Variants in LDAH observed in about 807,000 individuals in gnomAD.
LDAH encodes the protein lipid droplet-associated hydrolase.
A neutral mutation model predicts 29.6 loss-of-function variants in LDAH; 26 were observed. That is an observed-to-expected ratio of 0.88 (90% CI 0.64 to 1.22). The LOEUF is 1.22. Ranked by LOEUF, LDAH falls within the 50% of genes most tolerant of loss-of-function variation. The probability of loss-of-function intolerance (pLI) is 0.00; values close to 1 mark genes in which losing one functional copy is unlikely to be tolerated. For synonymous variants in LDAH, 117 were observed against 133.0 expected (o/e 0.88, Z 0.83); for missense variants, 344 against 387.3 (o/e 0.89, Z 0.94).
At chr2:20,726,966 A>G (rs1572487971) in intron 5 of LDAH, among the ~76,000 whole-genome samples, 2 of 152,232 alleles carry the variant, frequency 1.3e-5, no homozygotes, top group East Asian at 3.8e-4. Flanking sequence ...TCCTAGTACC[A>G]CACTAATCAC....
chr2:20,693,980 T>C (rs1663231749), intron 6 of LDAH, among the ~76,000 whole-genome samples: 1 of 152,228 alleles, frequency 6.6e-6, no homozygotes, highest in Non-Finnish European at 1.5e-5. Context: ...AAGAAAAATA[T>C]GTCATTCCTG....
intron 5 of LDAH, among the ~76,000 whole-genome samples, chr2:20,703,018 G>A (rs1051848439): frequency 6.6e-6 from 1 of 152,162 alleles, no homozygotes; most frequent in African/African-American, 2.4e-5. Flanking sequence ...TAGAGACAGG[G>A]TTTCACCATG....
chr2:20,693,950 G>C (rs1475305399), intron 6 of LDAH, among the ~76,000 whole-genome samples: 1 of 152,206 alleles, frequency 6.6e-6, no homozygotes, highest in East Asian at 1.9e-4. Context: ...CTATCTTCTT[G>C]GCCTTTCTTC....
In LDAH at chr2:20,731,683, T is replaced by G. The variant is rs372967313; in HGVS notation, c.703+8288A>C. On this transcript the variant is annotated intron_variant, in intron 5 of 6. Transcript: ENST00000237822. Reference sequence around the variant, plus strand: ...AATTTATGCCTAACAATTTAATTTTTCCGACTGGCTAAAAATGTACATTAT... The same window carrying G: ...AATTTATGCCTAACAATTTAATTTTGCCGACTGGCTAAAAATGTACATTAT... Among the ~76,000 whole-genome samples, 29 of 152,286 alleles carry G rather than the reference T, an allele frequency of 1.9e-4. 1 individual carries two copies. The South Asian group carries it at 6.0e-3, about 32-fold the overall frequency.
At chr2:20,718,107 G>T (rs1203918466) in intron 5 of LDAH, among the ~76,000 whole-genome samples, 5 of 152,082 alleles carry the variant, frequency 3.3e-5, no homozygotes, top group Non-Finnish European at 7.4e-5. Context: ...AAGAAAGGAA[G>T]ACAGGGTTAC....
chr2:20,720,349 A>T (rs1665560765), intron 5 of LDAH, among the ~76,000 whole-genome samples: 1 of 152,132 alleles, frequency 6.6e-6, no homozygotes, highest in Non-Finnish European at 1.5e-5. Context: ...CAAGAAAGCA[A>T]TCCTATTTAC....
rs111732570 is a variant in LDAH at position 20,734,378 on chromosome 2, TC to T, written c.703+5592del. On this transcript the variant is annotated intron_variant, in intron 5 of 6. Transcript: ENST00000237822. ...CTGAGTTCTTTTTCTGGTCTTCCAATCAATGTGTTTCTAAATATAGAATTCC... is the reference window on the plus strand; with the variant it reads ...CTGAGTTCTTTTTCTGGTCTTCCAATAATGTGTTTCTAAATATAGAATTCC... Among the ~76,000 whole-genome samples, 719 of 152,338 alleles carry T rather than the reference TC, an allele frequency of 4.7e-3. 7 individuals carry two copies. The highest frequency in any genetic ancestry group is 0.042 in the South Asian group (202 of 4,826).
chr2:20,805,903 ATATT>A (rs1370572199), intron 1 of LDAH, among the ~76,000 whole-genome samples: 10 of 147,738 alleles, frequency 6.8e-5, no homozygotes, highest in South Asian at 2.1e-4. Context: ...TGTAAATATA[ATATT>A]TATTTATTAT....
intron 4 of LDAH, among the ~76,000 whole-genome samples, chr2:20,754,600 A>G (rs1300262455): frequency 6.6e-6 from 1 of 151,908 alleles, no homozygotes; most frequent in Admixed American, 6.6e-5. Flanking sequence ...AATTAATATC[A>G]CCAATGATGA....
In LDAH at chr2:20,685,285, G is replaced by T; in HGVS notation, c.*1618C>A. The T allele has an allele frequency of 1.9e-6, 1 of 513,152 alleles. No individual in the cohort carries two copies. The highest frequency in any genetic ancestry group is 3.2e-5 in the East Asian group (1 of 31,282). 31.8% of individuals were successfully genotyped at this position (513,152 alleles called of 1,614,324 possible). ...TTACCCAGTATTGTTTACATGCCTT[G>T]ATTTAGTATCAGTGAGTATCTCCTG... On this transcript the variant is annotated 3_prime_UTR_variant, in exon 7 of 7. Coordinates refer to ENST00000237822, the MANE Select transcript of LDAH (RefSeq NM_021925.4).
rs190242134 is a variant in LDAH at position 20,770,550 on chromosome 2, A to G, written c.468+4260T>C. Among the ~76,000 whole-genome samples the G allele has an allele frequency of 2.6e-3, 398 of 152,308 alleles. 1 individual carries two copies. The highest frequency in any genetic ancestry group is 0.014 in the Middle Eastern group (4 of 294). Reference sequence around the variant, plus strand: ...CATTTTTAACATATAGAGGGTTGATAAGAGAAAGAAGATTCTAGATAGTGG... The same window carrying G: ...CATTTTTAACATATAGAGGGTTGATGAGAGAAAGAAGATTCTAGATAGTGG... On this transcript the variant is annotated intron_variant, in intron 4 of 6. Transcript: ENST00000237822.
At chr2:20,691,803 AT>A (rs1433775933) in intron 6 of LDAH, among the ~76,000 whole-genome samples, 1 of 152,126 alleles carries the variant, frequency 6.6e-6, no homozygotes, top group African/African-American at 2.4e-5. Flanking sequence ...TTCAGTCTAG[AT>A]TTTGATTCTC....
In LDAH at chr2:20,823,072, G is replaced by T. The variant is rs1231549011; in HGVS notation, c.-38C>A. 6.6e-6 allele frequency: 1 copy of T among 152,338 alleles called. No homozygotes were observed. Among genetic ancestry groups the T allele is most frequent in the East Asian group, 1.9e-4 (1 of 5,184 alleles). The allele number at this position is 152,338 out of a possible 1,614,324, so 9.4% of individuals were successfully genotyped here. On this transcript the variant is annotated 5_prime_UTR_variant, in exon 1 of 7. Coordinates refer to ENST00000237822, the MANE Select transcript of LDAH (RefSeq NM_021925.4). ...GGAAGGCTGCCCGCTCTCCCTGAGGGTCCTGGGAAGGCGGCACGAGACCGG... is the reference window on the plus strand; with the variant it reads ...GGAAGGCTGCCCGCTCTCCCTGAGGTTCCTGGGAAGGCGGCACGAGACCGG...
At chr2:20,780,147 C>G (rs867005587) in intron 3 of LDAH, among the ~76,000 whole-genome samples, 3 of 152,174 alleles carry the variant, frequency 2.0e-5, no homozygotes, top group Admixed American at 1.3e-4. Context: ...GTATGCATTA[C>G]AGTGAAGGAG....
At chr2:20,820,068 G>C (rs1161022631) in intron 1 of LDAH, among the ~76,000 whole-genome samples, 22 of 151,928 alleles carry the variant, frequency 1.4e-4, no homozygotes, top group African/African-American at 5.1e-4. Flanking sequence ...GGATGTGAAG[G>C]ACCTCTTCAA....
intron 5 of LDAH, among the ~76,000 whole-genome samples, chr2:20,714,674 A>G (rs1007345146): frequency 1.3e-5 from 2 of 152,230 alleles, no homozygotes; most frequent in African/African-American, 4.8e-5. Flanking sequence ...AATCAAATAG[A>G]TGCAATACAA....
intron 5 of LDAH, among the ~76,000 whole-genome samples, chr2:20,738,204 A>T (rs1198878954): frequency 6.6e-6 from 1 of 151,344 alleles, no homozygotes; most frequent in African/African-American, 2.4e-5. Context: ...GTGAGCCGAG[A>T]TCGCGCCACT....
chr2:20,801,958 ATGTGTGTG>A (rs201368706), intron 1 of LDAH, among the ~76,000 whole-genome samples: 1 of 138,562 alleles, frequency 7.2e-6, no homozygotes, highest in Non-Finnish European at 1.6e-5. Flanking sequence ...GTGTGTGTGT[ATGTGTGTG>A]TGTGTGTGTG....
intron 5 of LDAH, among the ~76,000 whole-genome samples, chr2:20,709,284 A>G (rs913628373): frequency 5.3e-5 from 8 of 152,162 alleles, no homozygotes; most frequent in Non-Finnish European, 1.0e-4. Flanking sequence ...TTCCCAAAAT[A>G]TCTCATTATG....
Sources: allele counts gnomAD v4.1 joint callset (sites outside exome capture counted in the v4.1 genomes callset), GRCh38; gene constraint gnomAD v4.1.1; transcripts MANE v1.5; gene names NCBI Gene and HGNC (gene_info 2026-07-23, HGNC 2026-07-21).